Variants in GPC3 observed in about 807,000 individuals in gnomAD.
The protein encoded by GPC3 is glypican-3.
In GPC3, 3 loss-of-function variants were observed where a neutral mutation model predicts 34.4. The observed-to-expected ratio is 0.09, with a 90% confidence interval of 0.04 to 0.23. The LOEUF (loss-of-function observed/expected upper bound fraction) is 0.23. Ranked by LOEUF, GPC3 falls within the 10% of genes least tolerant of loss-of-function variation. GPC3 has a pLI of 1.00. For missense variants in GPC3, 351 were observed against 445.6 expected (o/e 0.79, Z 1.91); for synonymous variants, 177 against 174.0 (o/e 1.02, Z -0.13).
At chrX:133,873,665 C>A (rs1603264092) in intron 2 of GPC3, among the ~76,000 whole-genome samples, 2 of 111,151 alleles carry the variant, frequency 1.8e-5, no homozygotes, top group Non-Finnish European at 3.8e-5. Context: ...AAAAGGGATG[C>A]AATCAGTTTG....
intron 1 of GPC3, among the ~76,000 whole-genome samples, chrX:133,971,251 C>A (rs1451276836): frequency 2.7e-5 from 3 of 112,469 alleles, no homozygotes; most frequent in African/African-American, 6.5e-5. Flanking sequence ...GGTCATCTAG[C>A]CTTGTTCTAT....
intron 6 of GPC3, among the ~76,000 whole-genome samples, 162 bp downstream of exon 6, chrX:133,661,568 T>TTCTCTCTCTC (rs1196112530): frequency 6.2e-5 from 1 of 16,018 alleles, no homozygotes; most frequent in Non-Finnish European, 1.2e-4. Context: ...ATATCTCTCT[T>TTCTCTCTCTC]TCTCTCTCTC....
chrX:133,696,016 C>T, intron 4 of GPC3, among the ~76,000 whole-genome samples: 1 of 111,639 alleles, frequency 9.0e-6, no homozygotes, highest in Non-Finnish European at 1.9e-5. Flanking sequence ...TAAATAAATC[C>T]TGGTTCTCAA....
intron 7 of GPC3, among the ~76,000 whole-genome samples, chrX:133,578,760 C>A (rs1375725247): frequency 9.0e-6 from 1 of 111,083 alleles, no homozygotes; most frequent in Non-Finnish European, 1.9e-5. Flanking sequence ...CAGAATGCTG[C>A]CTTCAAGCCT....
rs1159331299 is a variant in GPC3 at position 133,536,040 on chromosome X, T to C, written c.*84A>G. On this transcript the variant is annotated 3_prime_UTR_variant, in exon 8 of 8. Transcript: ENST00000370818. ...ATACAGGATAACAAAAAAAAAAAAA[T>C]AGAAAAAAATAAGAAAGTGGTTCCC... 5.6e-5 allele frequency: 39 copies of C among 696,412 alleles called. No individual in the cohort carries two copies. The South Asian group carries it at 1.0e-3, about 18-fold the overall frequency. 57.4% of individuals were successfully genotyped at this position (696,412 alleles called of 1,213,427 possible). A position where few individuals can be genotyped will look rare whatever the true frequency, so the allele number is the denominator to read the frequency against.
At chrX:133,802,137 T>A (rs1337972623) in intron 2 of GPC3, among the ~76,000 whole-genome samples, 1 of 111,838 alleles carries the variant, frequency 8.9e-6, no homozygotes, top group East Asian at 2.8e-4. Context: ...GATGAATAAT[T>A]AACTTTTTTG....
chrX:133,622,615 G>GA (rs1406913888), intron 6 of GPC3, among the ~76,000 whole-genome samples: 1 of 111,747 alleles, frequency 8.9e-6, no homozygotes, highest in Non-Finnish European at 1.9e-5. Context: ...GAAGTTTAGA[G>GA]AAAAAAGAGT....
chrX:133,881,289 C>T (rs1328924850), intron 2 of GPC3, among the ~76,000 whole-genome samples: 1 of 111,578 alleles, frequency 9.0e-6, no homozygotes, highest in East Asian at 2.8e-4. Context: ...ACTGGAAGAC[C>T]GATTTCCAGA....
At chrX:133,860,188 T>C (rs2075929259) in intron 2 of GPC3, among the ~76,000 whole-genome samples, 1 of 111,541 alleles carries the variant, frequency 9.0e-6, no homozygotes, top group Admixed American at 9.5e-5. Context: ...TCGTAGGATA[T>C]GTGAATCACT....
intron 6 of GPC3, among the ~76,000 whole-genome samples, chrX:133,651,462 CAT>C (rs1491337545): frequency 3.7e-4 from 41 of 111,601 alleles, no homozygotes; most frequent in Non-Finnish European, 6.4e-4. Flanking sequence ...TAAAAACTAA[CAT>C]GTGTGCTAAG....
At chrX:133,565,251 C>G (rs930945006) in intron 7 of GPC3, among the ~76,000 whole-genome samples, 2 of 111,509 alleles carry the variant, frequency 1.8e-5, no homozygotes, top group South Asian at 7.7e-4. Context: ...TGCCCCATCC[C>G]TCCTCAACAG....
intron 7 of GPC3, among the ~76,000 whole-genome samples, chrX:133,573,469 G>A (rs955841656): frequency 8.9e-6 from 1 of 111,891 alleles, no homozygotes; most frequent in African/African-American, 3.2e-5. Flanking sequence ...AAGTAGAACT[G>A]TCTTTATTTG....
chrX:133,630,089 G>A (rs2070350174), intron 6 of GPC3, among the ~76,000 whole-genome samples: 1 of 111,321 alleles, frequency 9.0e-6, no homozygotes, highest in African/African-American at 3.3e-5. Context: ...AAAGGAAAAG[G>A]AAAAGAAAAA....
At chrX:133,965,379 T>C (rs1477781781) in intron 1 of GPC3, among the ~76,000 whole-genome samples, 1 of 110,438 alleles carries the variant, frequency 9.1e-6, no homozygotes, top group Non-Finnish European at 1.9e-5. Context: ...TCCTGGATTA[T>C]CTAGGTGGAT....
At chrX:133,761,767 C>T (rs1214473725) in intron 2 of GPC3, among the ~76,000 whole-genome samples, 2 of 111,729 alleles carry the variant, frequency 1.8e-5, no homozygotes, top group African/African-American at 3.3e-5. Context: ...TAGCTCTTCT[C>T]GTTTACCCAC....
At chrX:133,910,780 G>A (rs1245299267) in intron 2 of GPC3, among the ~76,000 whole-genome samples, 1 of 111,969 alleles carries the variant, frequency 8.9e-6, no homozygotes, top group Non-Finnish European at 1.9e-5. Flanking sequence ...ACTTTTCTCT[G>A]AGGAGCATAG....
chrX:133,725,204 G>C (rs2071397487), intron 3 of GPC3, among the ~76,000 whole-genome samples: 1 of 111,745 alleles, frequency 8.9e-6, no homozygotes, highest in African/African-American at 3.3e-5. Context: ...AAAGCAAGTT[G>C]ATTCTAAGAA....
In GPC3 at chrX:133,692,490, G is replaced by C; in HGVS notation, c.1171C>G (p.Leu391Val). Reference protein sequence around the residue: ...EETLSSRRRELIQKLKSFISF... With the variant: ...EETLSSRRREVIQKLKSFISF... Reference sequence around the variant, plus strand: ...ATGAAAGACTTCAACTTCTGAATTAGTTCCCTAAAAGAAAAACAAAACATC... The same window carrying C: ...ATGAAAGACTTCAACTTCTGAATTACTTCCCTAAAAGAAAAACAAAACATC... The change falls in exon 5 of 8, where the codon CTA becomes GTA. Residue 391 changes from leucine (L) to valine (V), a missense_variant. By Grantham distance (32) the Leu-to-Val change is conservative (BLOSUM62 1). Coordinates refer to ENST00000370818, the MANE Select transcript of GPC3 (RefSeq NM_004484.4). 1 of 1,206,298 alleles carries C rather than the reference G, an allele frequency of 8.3e-7. No individual in the cohort carries two copies. Among genetic ancestry groups the C allele is most frequent in the Non-Finnish European group, 1.1e-6 (1 of 890,631 alleles).
chrX:133,772,580 G>T (rs1394210355), intron 2 of GPC3, among the ~76,000 whole-genome samples: 2 of 111,597 alleles, frequency 1.8e-5, no homozygotes, highest in East Asian at 5.6e-4. Flanking sequence ...TCCTAAGAAT[G>T]CCATGGCATT....
Sources: gnomAD v4.1 joint callset for allele counts (sites outside exome capture counted in the v4.1 genomes callset) on GRCh38, gnomAD v4.1.1 for gene constraint, MANE v1.5 for transcripts, NCBI Gene and HGNC (gene_info 2026-07-23, HGNC 2026-07-21) for gene names.